Variants in HACE1 observed in about 807,000 individuals in gnomAD.
HACE1 encodes E3 ubiquitin-protein ligase HACE1.
In HACE1, 73 loss-of-function variants were observed where a neutral mutation model predicts 118.4. The ratio of observed to expected loss-of-function variants is 0.62; its 90% confidence interval spans 0.51 to 0.75. HACE1 has a LOEUF of 0.75. Ranked by LOEUF, HACE1 falls within the 30% of genes least tolerant of loss-of-function variation. The pLI is 0.00. For synonymous variants in HACE1, 368 were observed against 374.8 expected (o/e 0.98, Z 0.21); for missense variants, 749 against 1,102.2 (o/e 0.68, Z 4.54).
chr6:104,794,383 C>T (rs1380597378), intron 10 of HACE1, among the ~76,000 whole-genome samples: 1 of 152,136 alleles, frequency 6.6e-6, no homozygotes, highest in African/African-American at 2.4e-5. Context: ...TTATAGGGTA[C>T]TTAAAATTAT....
chr6:104,748,712 T>C (rs1307143751), intron 20 of HACE1, among the ~76,000 whole-genome samples: 1 of 152,180 alleles, frequency 6.6e-6, no homozygotes, highest in East Asian at 1.9e-4. Flanking sequence ...GAAACTGAAA[T>C]GCTATACAGC....
rs1177876499 is a variant in HACE1 at position 104,811,242 on chromosome 6, T to TATATATATATATA, written c.617+68_617+69insTATATATATATAT. ...TCTGGAAATATATATATTTCTTTAT[T>TATATATATATATA]TATACATATATATATATATATATAT... On this transcript the variant is annotated intron_variant, in intron 7 of 23. Coordinates refer to ENST00000262903, the MANE Select transcript of HACE1 (RefSeq NM_020771.4). 997 of 191,856 alleles carry TATATATATATATA rather than the reference T, an allele frequency of 5.2e-3. 5 individuals carry two copies. The highest frequency in any genetic ancestry group is 9.2e-3 in the African/African-American group (246 of 26,656). 11.9% of individuals were successfully genotyped at this position (191,856 alleles called of 1,614,324 possible).
chr6:104,852,105 T>G (rs1051876276), intron 2 of HACE1, among the ~76,000 whole-genome samples: 2 of 152,222 alleles, frequency 1.3e-5, no homozygotes, highest in East Asian at 3.8e-4. Flanking sequence ...ACAGCTCATA[T>G]AGATCTTGGA....
chr6:104,750,313 C>CAAA (rs779676233), intron 20 of HACE1, 28 bp downstream of exon 20: 2 of 1,594,916 alleles, frequency 1.3e-6, no homozygotes, highest in African/African-American at 2.7e-5. Flanking sequence ...TGTTGTGTTA[C>CAAA]AACATAAGAA....
intron 14 of HACE1, among the ~76,000 whole-genome samples, chr6:104,782,610 A>G (rs1254529775): frequency 6.6e-6 from 1 of 152,250 alleles, no homozygotes; most frequent in Non-Finnish European, 1.5e-5. Context: ...CAGCTTACAA[A>G]AAAAAGAGTA....
chr6:104,858,920 C>CT (rs1186882040), intron 1 of HACE1, among the ~76,000 whole-genome samples: 2 of 152,192 alleles, frequency 1.3e-5, no homozygotes, highest in Non-Finnish European at 2.9e-5. Flanking sequence ...GGGACCATGC[C>CT]TTATTCCTCT....
intron 4 of HACE1, among the ~76,000 whole-genome samples, chr6:104,843,741 C>A (rs1466043203): frequency 3.3e-5 from 5 of 152,024 alleles, no homozygotes; most frequent in Non-Finnish European, 7.4e-5. Flanking sequence ...AAACCATACT[C>A]AGAATATCAA....
chr6:104,776,890 T>A (rs1258779203), intron 16 of HACE1, 62 bp from the exon 17 acceptor site: 21 of 1,370,134 alleles, frequency 1.5e-5, no homozygotes, highest in Non-Finnish European at 2.1e-5. Context: ...AATTTTTTTC[T>A]AAATAACAAA....
chr6:104,814,360 C>T (rs1460501089), intron 6 of HACE1, among the ~76,000 whole-genome samples: 1 of 138,044 alleles, frequency 7.2e-6, no homozygotes, highest in Non-Finnish European at 1.6e-5. Flanking sequence ...TCAACAGCAA[C>T]ACAGAAATCT....
chr6:104,840,558 G>GTGGCTCACACCTGTAATCCGAGCACTT, intron 5 of HACE1, among the ~76,000 whole-genome samples: 1 of 152,268 alleles, frequency 6.6e-6, no homozygotes, highest in African/African-American at 2.4e-5. Flanking sequence ...GCCCGTCGCG[G>GTGGCTCACACCTGTAATCCGAGCACTT]TGGCTCACAC....
rs369415559 is a variant in HACE1 at position 104,758,272 on chromosome 6, G to C, written c.2212-7800C>G. On this transcript the variant is annotated intron_variant, in intron 19 of 23. Coordinates refer to ENST00000262903, the MANE Select transcript of HACE1 (RefSeq NM_020771.4). Reference sequence around the variant, plus strand: ...TCAGATTCACCAAGGTTGAAATGAAGGAAAAAATGTTAAGGGCAGCCAGAG... The same window carrying C: ...TCAGATTCACCAAGGTTGAAATGAACGAAAAAATGTTAAGGGCAGCCAGAG... Among the ~76,000 whole-genome samples, 13 of 150,574 alleles carry C rather than the reference G, an allele frequency of 8.6e-5. No homozygotes were observed. The East Asian group carries it at 2.1e-3, about 25-fold the overall frequency.
chr6:104,843,365 C>T (rs912818103), intron 4 of HACE1, 67 bp from the exon 5 acceptor site: 6 of 796,238 alleles, frequency 7.5e-6, no homozygotes, highest in Non-Finnish European at 1.4e-5. Context: ...AATTAATTTA[C>T]TGAAATATTA....
chr6:104,785,587 A>G (rs1324488534), intron 11 of HACE1: 1 of 373,798 alleles, frequency 2.7e-6, no homozygotes, highest in East Asian at 5.7e-5. Flanking sequence ...AATCTAACAA[A>G]AAATTCACAA....
At chr6:104,755,171 A>G (rs1173744115) in intron 19 of HACE1, among the ~76,000 whole-genome samples, 2 of 152,190 alleles carry the variant, frequency 1.3e-5, no homozygotes, top group African/African-American at 4.8e-5. Context: ...TAAACCAACA[A>G]AGATTAAAAA....
chr6:104,751,952 A>AAAC (rs1778096381), intron 19 of HACE1, among the ~76,000 whole-genome samples: 1 of 117,084 alleles, frequency 8.5e-6, no homozygotes. Context: ...AAAAAAAACC[A>AAAC]AACAAAAAAA....
At chr6:104,782,210 G>A (rs765709886) in intron 14 of HACE1, among the ~76,000 whole-genome samples, 11 of 152,156 alleles carry the variant, frequency 7.2e-5, no homozygotes, top group Non-Finnish European at 1.5e-4. Context: ...GAACTTGTCC[G>A]GGTGTGGTGG....
intron 6 of HACE1, among the ~76,000 whole-genome samples, chr6:104,825,457 C>G (rs1428201151): frequency 6.6e-6 from 1 of 152,154 alleles, no homozygotes; most frequent in Non-Finnish European, 1.5e-5. Flanking sequence ...CACATAGCAA[C>G]CAATCAGACT....
At chr6:104,842,606 C>T (rs1019110021) in intron 5 of HACE1, among the ~76,000 whole-genome samples, 2 of 152,042 alleles carry the variant, frequency 1.3e-5, no homozygotes, top group Admixed American at 1.3e-4. Context: ...CGAAAAACAG[C>T]TCTCCAAGAA....
chr6:104,751,652 T>C (rs900370891), intron 19 of HACE1, among the ~76,000 whole-genome samples: 2 of 151,964 alleles, frequency 1.3e-5, no homozygotes, highest in Non-Finnish European at 2.9e-5. Flanking sequence ...ATAATAATAA[T>C]AACTGGTAAT....
Sources: gnomAD v4.1 joint callset for allele counts (sites outside exome capture counted in the v4.1 genomes callset) on GRCh38, gnomAD v4.1.1 for gene constraint, MANE v1.5 for transcripts, NCBI Gene and HGNC (gene_info 2026-07-23, HGNC 2026-07-21) for gene names.